SHOC2: variants seen among roughly 807,000 people sequenced by gnomAD.
The protein encoded by SHOC2 is SHOC2 leucine rich repeat scaffold protein.
SHOC2 carries 4 observed loss-of-function variants against 50.2 expected under a neutral mutation model. That is an observed-to-expected ratio of 0.08 (90% CI 0.04 to 0.18). The LOEUF is 0.18. Among genes scored for constraint, SHOC2 ranks in the 10% least tolerant of loss-of-function variants. The pLI is 1.00. For synonymous variants in SHOC2, 218 were observed against 244.5 expected (o/e 0.89, Z 1.01); for missense variants, 388 against 669.6 (o/e 0.58, Z 4.64).
intron 3 of SHOC2, 79 bp from the exon 4 acceptor site, chr10:111,000,336 G>GTTAGTA: frequency 7.1e-7 from 1 of 1,405,406 alleles, no homozygotes; most frequent in Non-Finnish European, 1.0e-6. Flanking sequence ...TTTGTAAATA[G>GTTAGTA]TTAGTAGATA....
At chr10:110,921,088 C>T (rs1036100749) in intron 1 of SHOC2, among the ~76,000 whole-genome samples, 26 of 152,190 alleles carry the variant, frequency 1.7e-4, no homozygotes, top group African/African-American at 6.3e-4. Context: ...TTACCCTCAT[C>T]CTCCATGCTG....
chr10:110,941,170 G>A (rs1376390465), intron 1 of SHOC2, among the ~76,000 whole-genome samples: 1 of 151,710 alleles, frequency 6.6e-6, no homozygotes, highest in Non-Finnish European at 1.5e-5. Context: ...AGTTGTGATA[G>A]GTGTGTAGTG....
chr10:110,986,012 T>A, intron 3 of SHOC2: 2 of 404,294 alleles, frequency 4.9e-6, no homozygotes, highest in Non-Finnish European at 9.1e-6. Context: ...TGTATATATA[T>A]TCTGTCATAG....
intron 2 of SHOC2, among the ~76,000 whole-genome samples, chr10:110,967,736 C>T (rs7076336): frequency 1 from 151,872 of 152,340 alleles, 75,702 homozygotes; most frequent in East Asian, 1. Flanking sequence ...TGGTCTCTTA[C>T]GACAGGTTTC....
chr10:110,940,489 T>C lies in SHOC2; in HGVS notation c.-235+20832T>C, dbSNP rs990507429. ...TTAAAAATGTCCATTCAAAGTCCTC[T>C]AAATGTTCAAAGTATAATGTGATTT... On this transcript the variant is annotated intron_variant, in intron 1 of 8. Coordinates refer to ENST00000369452, the MANE Select transcript of SHOC2 (RefSeq NM_007373.4). Among the ~76,000 whole-genome samples the C allele has an allele frequency of 3.9e-5, 6 of 152,222 alleles. 1 individual carries two copies. The highest frequency in any genetic ancestry group is 2.0e-4 in the Admixed American group (3 of 15,290).
At chr10:110,971,603 G>A (rs1307933468) in intron 2 of SHOC2, among the ~76,000 whole-genome samples, 2 of 152,000 alleles carry the variant, frequency 1.3e-5, no homozygotes, top group Non-Finnish European at 2.9e-5. Context: ...CATTTTGATA[G>A]AGATTGCATT....
chr10:110,968,850 C>T (rs1847725692), intron 2 of SHOC2, among the ~76,000 whole-genome samples: 1 of 151,914 alleles, frequency 6.6e-6, no homozygotes, highest in Admixed American at 6.6e-5. Context: ...GAAATAGAGC[C>T]TACTATTTAG....
intron 3 of SHOC2, among the ~76,000 whole-genome samples, chr10:110,990,690 C>T (rs1003653955): frequency 2.6e-5 from 4 of 151,910 alleles, no homozygotes; most frequent in African/African-American, 9.7e-5. Context: ...ACTCGGGTCC[C>T]CTTCCACACT....
intron 2 of SHOC2, among the ~76,000 whole-genome samples, chr10:110,975,462 C>T (rs1847860211): frequency 6.6e-6 from 1 of 152,170 alleles, no homozygotes; most frequent in African/African-American, 2.4e-5. Flanking sequence ...TTTTAATAGT[C>T]ATGTGTCCAT....
At chr10:110,952,409 T>C (rs1847372514) in intron 1 of SHOC2, among the ~76,000 whole-genome samples, 1 of 152,190 alleles carries the variant, frequency 6.6e-6, no homozygotes, top group South Asian at 2.1e-4. Flanking sequence ...TTTACTGTTG[T>C]AGGTTCAATG....
chr10:110,933,313 A>G (rs922200290), intron 1 of SHOC2, among the ~76,000 whole-genome samples: 3 of 152,134 alleles, frequency 2.0e-5, no homozygotes, highest in Non-Finnish European at 4.4e-5. Flanking sequence ...TAATTGAAGG[A>G]TAGCATTGCT....
chr10:110,982,162 A>G (rs937240422), intron 2 of SHOC2, among the ~76,000 whole-genome samples: 34 of 148,584 alleles, frequency 2.3e-4, no homozygotes, highest in African/African-American at 8.3e-4. Context: ...AATTTCATCC[A>G]TGTCCCTACA....
rs531050358 is a variant in SHOC2, at chr10:110,957,844, C to A, written c.-234-6281C>A. On this transcript the variant is annotated intron_variant, in intron 1 of 8. Coordinates refer to ENST00000369452, the MANE Select transcript of SHOC2 (RefSeq NM_007373.4). ...TCTCTGGTCTATGTCCTCATACATT[C>A]CTTTTACTTCTTTCATCAACCCCTT... Among the ~76,000 whole-genome samples, 7 of 152,292 alleles carry A rather than the reference C, an allele frequency of 4.6e-5. No homozygotes were observed. The East Asian group carries it at 1.4e-3, about 29-fold the overall frequency.
chr10:110,990,349 T>A (rs1848158846), intron 3 of SHOC2, among the ~76,000 whole-genome samples: 1 of 152,214 alleles, frequency 6.6e-6, no homozygotes, highest in Admixed American at 6.5e-5. Context: ...ATCTAGGTGC[T>A]CTGGTGGGGA....
intron 1 of SHOC2, among the ~76,000 whole-genome samples, chr10:110,932,174 A>G (rs754353762): frequency 1.8e-4 from 27 of 152,230 alleles, no homozygotes; most frequent in Admixed American, 1.2e-3. Context: ...AGACGCTGCC[A>G]TGGGATGTGA....
At chr10:110,938,472 A>G (rs939800200) in intron 1 of SHOC2, among the ~76,000 whole-genome samples, 8 of 152,056 alleles carry the variant, frequency 5.3e-5, no homozygotes, top group Non-Finnish European at 1.0e-4. Context: ...ATAATTTATA[A>G]TAATAAAATT....
chr10:110,919,569 G>GGCGGTTGGGCA, upstream of SHOC2: 1 of 389,050 alleles, frequency 2.6e-6, no homozygotes, highest in Non-Finnish European at 4.5e-6. Context: ...GGCGGGGGGC[G>GGCGGTTGGGCA]GCGGTTGGGC....
chr10:110,972,855 A>T (rs1293083618), intron 2 of SHOC2, among the ~76,000 whole-genome samples: 1 of 152,164 alleles, frequency 6.6e-6, no homozygotes, highest in Non-Finnish European at 1.5e-5. Flanking sequence ...AATGGAACAC[A>T]GAAAAATAGT....
chr10:110,976,714 T>C (rs549393778), intron 2 of SHOC2, among the ~76,000 whole-genome samples: 5 of 152,342 alleles, frequency 3.3e-5, no homozygotes, highest in East Asian at 1.9e-4. Context: ...CATTTTCTTA[T>C]AGCTTGCCTA....
Sources: allele counts gnomAD v4.1 joint callset (sites outside exome capture counted in the v4.1 genomes callset), GRCh38; gene constraint gnomAD v4.1.1; transcripts MANE v1.5; gene names NCBI Gene and HGNC (gene_info 2026-07-23, HGNC 2026-07-21).